CPNE6: variants seen among roughly 807,000 people sequenced by gnomAD.
The protein encoded by CPNE6 is copine-6.
Under a neutral mutation model 71.5 loss-of-function variants are expected in CPNE6, and 33 were observed. The ratio of observed to expected loss-of-function variants is 0.46; its 90% CI spans 0.35 to 0.62. CPNE6 has a LOEUF of 0.62. CPNE6 is among the 20% of genes least tolerant of loss of function. CPNE6 has a pLI of 0.00. For synonymous variants in CPNE6, 296 were observed against 293.0 expected, an observed-to-expected ratio of 1.01 and a Z score of -0.10; for missense variants, 576 against 747.3, an observed-to-expected ratio of 0.77 and a Z score of 2.67.
chr14:24,075,282 A>G lies in CPNE6; in HGVS notation c.777+6A>G. The G allele has an allele frequency of 6.2e-7, 1 of 1,610,122 alleles. No homozygotes were observed. The highest frequency in any genetic ancestry group is 8.5e-7 in the Non-Finnish European group (1 of 1,176,338). On this transcript the variant is annotated splice_donor_region_variant and intron_variant, in intron 9 of 17. Coordinates refer to ENST00000397016, the Ensembl canonical transcript of CPNE6. This position sits in a 1 kb window ranked among gnomAD's most constrained non-coding sequence, Gnocchi z 4.3. The stretch of plus-strand genomic sequence containing the variant: ...CGGCAAACCCTGGGCAGGAGGTGCC[A>G]CAAATACCCCACCCCCAGAATCCCA...
At chr14:24,071,309 C>A in intron 1 of CPNE6, 1 of 1,413,758 alleles carries the variant, frequency 7.1e-7, no homozygotes, top group East Asian at 2.5e-5. Context: ...GCAATGTGCG[C>A]ATCTCTGCGA....
chr14:24,075,310 C>A lies in CPNE6; in HGVS notation c.777+34C>A. ...AATACCCCACCCCCAGAATCCCACCCAGATCCCTGGGAGAATCCTGAGGGT... is the reference window on the plus strand; with the variant it reads ...AATACCCCACCCCCAGAATCCCACCAAGATCCCTGGGAGAATCCTGAGGGT... On this transcript the variant is annotated intron_variant, in intron 9 of 17. Transcript: ENST00000397016. The surrounding 1 kb of genome is among the most constrained non-coding windows in gnomAD (Gnocchi z 4.3). 3 of 1,563,916 alleles carry A rather than the reference C, an allele frequency of 1.9e-6. No homozygotes were observed. Among genetic ancestry groups the A allele is most frequent in the African/African-American group, 1.4e-5 (1 of 74,012 alleles).
In CPNE6 at chr14:24,075,285, A is replaced by C; in HGVS notation, c.777+9A>C. 1.9e-6 allele frequency: 3 copies of C among 1,607,876 alleles called. No individual in the cohort carries two copies. The highest frequency in any genetic ancestry group is 2.6e-6 in the Non-Finnish European group (3 of 1,174,328). ...CAAACCCTGGGCAGGAGGTGCCACA[A>C]ATACCCCACCCCCAGAATCCCACCC... On this transcript the variant is annotated intron_variant, in intron 9 of 17. Transcript: ENST00000397016. The surrounding 1 kb of genome is among the most constrained non-coding windows in gnomAD (Gnocchi z 4.3).
intron 2 of CPNE6, 43 bp from the exon 2 acceptor site, chr14:24,072,890 T>C (rs771056899): frequency 6.2e-6 from 9 of 1,448,678 alleles, no homozygotes; most frequent in Non-Finnish European, 7.3e-6. Flanking sequence ...TGCTGGCAGG[T>C]GTTCCCTTTC....
At position 24,073,964 on chromosome 14, in the gene CPNE6, C is replaced by T; in HGVS notation, c.349-87C>T. 7.9e-7 allele frequency: 1 copy of T among 1,270,668 alleles called. No individual in the cohort carries two copies. Among genetic ancestry groups the T allele is most frequent in the Non-Finnish European group, 1.2e-6 (1 of 869,182 alleles). 78.7% of individuals were successfully genotyped at this position (1,270,668 alleles called of 1,614,324 possible). ...CTCAAAGTGCCAACCCTTGCAGACA[C>T]TCAGAGCATTTATTATTCCATCCCT... On this transcript the variant is annotated intron_variant, in intron 4 of 17. Coordinates refer to ENST00000397016, the Ensembl canonical transcript of CPNE6. This position sits in a 1 kb window ranked among gnomAD's most constrained non-coding sequence, Gnocchi z 5.5.
Position 24,074,147 on chromosome 14 carries a change from C to T in CPNE6, c.423+22C>T, listed in dbSNP as rs1566549458. ...CACGGTAGGCAAGATCACCTGTACT[C>T]ACCCTTGGTCCAGGTATTCAATGCC... On this transcript the variant is annotated intron_variant, in intron 5 of 17. Coordinates refer to ENST00000397016, the Ensembl canonical transcript of CPNE6. This position sits in a 1 kb window ranked among gnomAD's most constrained non-coding sequence, Gnocchi z 4.5. 1.2e-6 allele frequency: 2 copies of T among 1,610,218 alleles called. No individual in the cohort carries two copies. Among genetic ancestry groups the T allele is most frequent in the Non-Finnish European group, 1.7e-6 (2 of 1,176,466 alleles).
rs751464093 is a variant in CPNE6, at chr14:24,076,299, C to T, written c.1058+17C>T. The T allele has an allele frequency of 2.4e-5, 38 of 1,614,054 alleles. No individual in the cohort carries two copies. Among genetic ancestry groups the T allele is most frequent in the South Asian group, 1.1e-4 (10 of 91,086 alleles). The stretch of plus-strand genomic sequence containing the variant: ...CTATGACAGGTAGGAGAGAGTGGGG[C>T]GGGAGGGAACAGGCAGGGAGGCCTT... On this transcript the variant is annotated intron_variant, in intron 12 of 17. Transcript: ENST00000397016.
intron 2 of CPNE6, chr14:24,071,958 A>T (rs1052873784): frequency 8.8e-6 from 3 of 339,230 alleles, no homozygotes; most frequent in Admixed American, 9.0e-5. Flanking sequence ...GGAAACGGAC[A>T]CACGACATGG....
Position 24,073,126 on chromosome 14 carries a change from CCTT to C in CPNE6, c.168+23_168+25del. On this transcript the variant is annotated intron_variant, in intron 3 of 17. Transcript: ENST00000397016. This position sits in a 1 kb window ranked among gnomAD's most constrained non-coding sequence, Gnocchi z 5.5. ...GGAGGTGAGAGCAGCTCAGGTTTCT[CCTT>C]AACTAACCTGGGTTAAGCTTGGGAA... The C allele has an allele frequency of 7.0e-7, 1 of 1,434,778 alleles. No individual in the cohort carries two copies. Among genetic ancestry groups the C allele is most frequent in the Non-Finnish European group, 9.1e-7 (1 of 1,094,332 alleles). The allele number at this position is 1,434,778 out of a possible 1,614,324, so 88.9% of individuals were successfully genotyped here. A position where few individuals can be genotyped will look rare whatever the true frequency, so the allele number is the denominator to read the frequency against.
intron 14 of CPNE6, 81 bp downstream of exon 13, chr14:24,076,638 C>T: frequency 6.3e-7 from 1 of 1,576,562 alleles, no homozygotes; most frequent in Non-Finnish European, 8.7e-7. Context: ...CCCCAGGGCC[C>T]AGCTTCCTGT....
chr14:24,073,261 T>C lies in CPNE6; in HGVS notation c.168+157T>C. 1 of 932,828 alleles carries C rather than the reference T, an allele frequency of 1.1e-6. No homozygotes were observed. The highest frequency in any genetic ancestry group is 1.5e-6 in the Non-Finnish European group (1 of 663,538). The allele number at this position is 932,828 out of a possible 1,614,324, so 57.8% of individuals were successfully genotyped here. On this transcript the variant is annotated intron_variant, in intron 3 of 17. Transcript: ENST00000397016. The surrounding 1 kb of genome is among the most constrained non-coding windows in gnomAD (Gnocchi z 5.5). ...ACCCTGGAGATGGTGTCCCAGAGGGTCCTGAGATTGACCCAGAGGCAGTGG... is the reference window on the plus strand; with the variant it reads ...ACCCTGGAGATGGTGTCCCAGAGGGCCCTGAGATTGACCCAGAGGCAGTGG...
In CPNE6 at chr14:24,073,598, C is replaced by T. The variant is rs2035968379; in HGVS notation, c.268C>T (p.His90Tyr). The T allele has an allele frequency of 6.2e-7, 1 of 1,614,054 alleles. No homozygotes were observed. Among genetic ancestry groups the T allele is most frequent in the Admixed American group, 1.7e-5 (1 of 60,022 alleles). ...TGAGGAGAAGCAGCCCCTGCAGTTC[C>T]ACGTGTTCGATGCCGAGGACGGAGC... Residue 90 changes from histidine to tyrosine, a missense_variant, in exon 4 of 18, where the codon CAC (histidine) becomes TAC (tyrosine). His to Tyr is a moderately conservative substitution (Grantham distance 83). Around this residue, in one of 4 missense-constraint regions of CPNE6, gnomAD observed 214 missense variants for 291.2 expected, o/e 0.73. Coordinates refer to ENST00000397016, the Ensembl canonical transcript of CPNE6. The surrounding 1 kb of genome is among the most constrained non-coding windows in gnomAD (Gnocchi z 5.5).
intron 1 of CPNE6, chr14:24,071,084 G>T (rs557422887): frequency 6.8e-7 from 1 of 1,473,938 alleles, no homozygotes; most frequent in South Asian, 1.2e-5. Flanking sequence ...CTGTATATGT[G>T]ACTGCAGATA....
At position 24,075,976 on chromosome 14, in the gene CPNE6, T is replaced by A. The variant is rs1337960021; in HGVS notation, c.924+90T>A. Reference sequence around the variant, plus strand: ...AGCCCAGAATCTCCACTGCCCCAACTTGGGCTGCTCATGAGCCTTCGCATT... The same window carrying A: ...AGCCCAGAATCTCCACTGCCCCAACATGGGCTGCTCATGAGCCTTCGCATT... On this transcript the variant is annotated intron_variant, in intron 11 of 17. Coordinates refer to ENST00000397016, the Ensembl canonical transcript of CPNE6. This position sits in a 1 kb window ranked among gnomAD's most constrained non-coding sequence, Gnocchi z 4.3. 4 of 1,549,000 alleles carry A rather than the reference T, an allele frequency of 2.6e-6. No homozygotes were observed. Among genetic ancestry groups the A allele is most frequent in the Non-Finnish European group, 3.6e-6 (4 of 1,123,926 alleles).
Position 24,074,233 on chromosome 14 carries a change from A to G in CPNE6, c.424-58A>G, listed in dbSNP as rs575497356. The G allele has an allele frequency of 3.3e-5, 53 of 1,595,662 alleles. No homozygotes were observed. The highest frequency in any genetic ancestry group is 1.5e-5 in the Non-Finnish European group (17 of 1,163,536). ...ACCACCCCCACCTAAGGGAAAGGGG[A>G]TGGGGTGGCCCTTGTGGTAAGGTTA... On this transcript the variant is annotated intron_variant, in intron 5 of 17. Coordinates refer to ENST00000397016, the Ensembl canonical transcript of CPNE6. The surrounding 1 kb of genome is among the most constrained non-coding windows in gnomAD (Gnocchi z 4.5).
chr14:24,071,419 C>G, intron 1 of CPNE6, 143 bp from the exon 1 acceptor site: 1 of 1,463,224 alleles, frequency 6.8e-7, no homozygotes, highest in Non-Finnish European at 9.0e-7. Flanking sequence ...TCCCCCGGTT[C>G]TGTGGCTCCC....
chr14:24,073,513 G>T lies in CPNE6; in HGVS notation c.183G>T (p.Glu61Asp). 1 of 1,613,570 alleles carries T rather than the reference G, an allele frequency of 6.2e-7. No homozygotes were observed. Among genetic ancestry groups the T allele is most frequent in the Non-Finnish European group, 8.5e-7 (1 of 1,179,956 alleles). The change falls in exon 4 of 18, where the codon GAG (glutamate) becomes GAT (aspartate). Residue 61 changes from glutamate to aspartate, a missense_variant. By Grantham distance (45) the Glu-to-Asp change is conservative. Coordinates refer to ENST00000397016, the Ensembl canonical transcript of CPNE6. The surrounding 1 kb of genome is among the most constrained non-coding windows in gnomAD (Gnocchi z 5.5). The stretch of plus-strand genomic sequence containing the variant: ...CACTACCACAGGTAGAGCGCACAGA[G>T]GTGCTTCGCTCCTGTTCCAGCCCTG...
At position 24,073,055 on chromosome 14, in the gene CPNE6, C is replaced by A; in HGVS notation, c.119C>A (p.Pro40His). 6.5e-7 allele frequency: 1 copy of A among 1,550,334 alleles called. No homozygotes were observed. Among genetic ancestry groups the A allele is most frequent in the Non-Finnish European group, 8.7e-7 (1 of 1,150,348 alleles). The change falls in exon 3 of 18, where the codon CCC (proline) becomes CAC (histidine). Residue 40 changes from proline (P) to histidine (H), a missense_variant. Coordinates refer to ENST00000397016, the Ensembl canonical transcript of CPNE6. This position sits in a 1 kb window ranked among gnomAD's most constrained non-coding sequence, Gnocchi z 5.5. ...CTGGACCGGGACACACTCACCAAAC[C>A]CCACCCCTGCGTGCTGCTCAAGCTC...
In CPNE6 at chr14:24,071,516, T is replaced by G. The variant is rs764092893; in HGVS notation, c.-119-11T>G. ...CTGGTGCTGCGCCCCCCCCCACCCC[T>G]CCCCATCCAGGCCCCATAAATAGCA... On this transcript the variant is annotated splice_polypyrimidine_tract_variant and intron_variant, in intron 1 of 17. Coordinates refer to ENST00000397016, the Ensembl canonical transcript of CPNE6. The G allele has an allele frequency of 2.1e-5, 7 of 334,360 alleles. No homozygotes were observed. The Admixed American group carries it at 2.1e-4, about 10-fold the overall frequency. 20.7% of individuals were successfully genotyped at this position (334,360 alleles called of 1,614,324 possible). A position where few individuals can be genotyped will look rare whatever the true frequency, so the allele number is the denominator to read the frequency against.
Sources: gnomAD v4.1 joint callset for allele counts on GRCh38, gnomAD v4.1.1 for gene constraint, gnomAD v4.1.1 regional missense constraint, Gnocchi (gnomAD v3.1) non-coding constraint, MANE v1.5 for transcripts, NCBI Gene and HGNC (gene_info 2026-07-23, HGNC 2026-07-21) for gene names.